SLC35D1: variants seen among roughly 807,000 people sequenced by gnomAD.
SLC35D1 encodes the protein solute carrier family 35 member D1.
In SLC35D1, 31 loss-of-function variants were observed where a neutral mutation model predicts 46.7. The observed-to-expected ratio is 0.66, with a 90% CI of 0.50 to 0.90. The LOEUF is 0.90. SLC35D1 is among the 40% of genes least tolerant of loss of function. The pLI is 0.00. For synonymous variants in SLC35D1, 195 were observed against 164.6 expected (o/e 1.18, Z -1.41); for missense variants, 397 against 426.2 (o/e 0.93, Z 0.60).
intron 11 of SLC35D1, among the ~76,000 whole-genome samples, chr1:67,008,726 G>A (rs1292367174): frequency 6.6e-6 from 1 of 152,004 alleles, no homozygotes; most frequent in South Asian, 2.1e-4. Flanking sequence ...TAGCAACCCT[G>A]TGGCCAGGGA....
chr1:67,053,168 C>A (rs969589357), intron 1 of SLC35D1, among the ~76,000 whole-genome samples, 179 bp from the exon 2 acceptor site: 29 of 152,314 alleles, frequency 1.9e-4, no homozygotes, highest in Middle Eastern at 3.4e-3. Context: ...TCAGTCCACC[C>A]CGCTGATGTA....
chr1:67,048,845 A>T (rs924897803), intron 6 of SLC35D1, among the ~76,000 whole-genome samples: 1 of 152,250 alleles, frequency 6.6e-6, no homozygotes, highest in Admixed American at 6.5e-5. Flanking sequence ...ATAACCTAAT[A>T]GAATATCTAA....
At chr1:67,049,934 T>C in intron 5 of SLC35D1, 84 bp from the exon 6 acceptor site, 1 of 939,384 alleles carries the variant, frequency 1.1e-6, no homozygotes, top group African/African-American at 1.6e-5. Flanking sequence ...GGGATATGCT[T>C]TCTCAAAAGC....
At chr1:67,053,110 C>T (rs773165225) in intron 1 of SLC35D1, 121 bp from the exon 2 acceptor site, 29 of 1,183,564 alleles carry the variant, frequency 2.5e-5, no homozygotes, top group Non-Finnish European at 3.2e-5. Flanking sequence ...AACGTCCGCC[C>T]CTAAATCAAA....
chr1:67,007,352 A>C (rs1369139993), intron 11 of SLC35D1, among the ~76,000 whole-genome samples: 4 of 152,122 alleles, frequency 2.6e-5, no homozygotes, highest in Non-Finnish European at 5.9e-5. Flanking sequence ...AAGGGCACTA[A>C]TCTCATTCAT....
rs1667394840 is a variant in SLC35D1 at position 67,004,006 on chromosome 1, C to T, written c.*334G>A. 1 of 291,460 alleles carries T rather than the reference C, an allele frequency of 3.4e-6. No individual in the cohort carries two copies. Among genetic ancestry groups the T allele is most frequent in the Non-Finnish European group, 6.7e-6 (1 of 149,920 alleles). The allele number at this position is 291,460 out of a possible 1,614,324, so 18.1% of individuals were successfully genotyped here. On this transcript the variant is annotated 3_prime_UTR_variant, in exon 12 of 12. Transcript: ENST00000235345. ...CAGTTGGCAAACATTACATATGCAGCTCTCAGGGACACCTGGATATCAAAT... is the reference window on the plus strand; with the variant it reads ...CAGTTGGCAAACATTACATATGCAGTTCTCAGGGACACCTGGATATCAAAT...
At chr1:67,026,835 G>A (rs536581912) in intron 8 of SLC35D1, among the ~76,000 whole-genome samples, 145 of 152,264 alleles carry the variant, frequency 9.5e-4, no homozygotes, top group African/African-American at 3.4e-3. Context: ...AATCATGGCA[G>A]AAGGCACCTC....
intron 1 of SLC35D1, among the ~76,000 whole-genome samples, chr1:67,053,481 TA>T (rs1348340633): frequency 2.0e-5 from 3 of 152,126 alleles, no homozygotes; most frequent in African/African-American, 7.2e-5. Context: ...TCGACAGGCA[TA>T]ACGGCTCAAA....
rs1300761844 is a variant in SLC35D1 at position 67,002,772 on chromosome 1, G to A, written c.*1568C>T. 2.0e-5 allele frequency: 3 copies of A among 152,334 alleles called. No homozygotes were observed. Among genetic ancestry groups the A allele is most frequent in the Admixed American group, 6.5e-5 (1 of 15,274 alleles). 9.4% of individuals were successfully genotyped at this position (152,334 alleles called of 1,614,324 possible). ...ACTGTTTAGGTCAACAGAGTCCAGT[G>A]GATTCCAAACCCAATGAAATAGACA... On this transcript the variant is annotated 3_prime_UTR_variant, in exon 12 of 12. Transcript: ENST00000235345.
chr1:67,051,466 G>A (rs545994581), intron 4 of SLC35D1, among the ~76,000 whole-genome samples: 2 of 152,352 alleles, frequency 1.3e-5, no homozygotes, highest in South Asian at 4.1e-4. Flanking sequence ...TTACCATGGA[G>A]AGGAGAGCTA....
intron 7 of SLC35D1, among the ~76,000 whole-genome samples, chr1:67,046,397 G>A (rs988336535): frequency 1.3e-5 from 2 of 152,090 alleles, no homozygotes; most frequent in Admixed American, 1.3e-4. Context: ...TAAAAACTAA[G>A]CAGTTAAAGT....
chr1:66,984,509 A>T, the SLC35D1 span: 7 of 1,172,182 alleles, frequency 6.0e-6, no homozygotes, highest in Middle Eastern at 2.1e-4. Flanking sequence ...AAGCTGTTTT[A>T]TAATAGTTTG....
the SLC35D1 span, among the ~76,000 whole-genome samples, chr1:66,992,689 G>T: frequency 0.11 from 17,453 of 152,254 alleles, 2,426 homozygotes; most frequent in African/African-American, 0.34. Context: ...AGAAAAGTAG[G>T]ATACTATTAG....
intron 7 of SLC35D1, among the ~76,000 whole-genome samples, chr1:67,046,335 C>T (rs1163576538): frequency 2.0e-5 from 3 of 151,972 alleles, no homozygotes; most frequent in Non-Finnish European, 4.4e-5. Context: ...TCTAAGCTCC[C>T]AAAAAGGAAC....
chr1:67,039,119 T>C (rs951117395), intron 8 of SLC35D1, among the ~76,000 whole-genome samples: 2 of 152,184 alleles, frequency 1.3e-5, no homozygotes, highest in Non-Finnish European at 2.9e-5. Context: ...GTTTTCCCTC[T>C]TCTGCCTACT....
chr1:67,033,174 T>C (rs1558160356), intron 8 of SLC35D1, among the ~76,000 whole-genome samples: 1 of 152,214 alleles, frequency 6.6e-6, no homozygotes, highest in Non-Finnish European at 1.5e-5. Context: ...CTTCCAAATC[T>C]TGGTGAATAG....
intron 8 of SLC35D1, among the ~76,000 whole-genome samples, chr1:67,032,962 T>A (rs12072926): frequency 0.068 from 10,389 of 152,218 alleles, 1,148 homozygotes; most frequent in African/African-American, 0.24. Flanking sequence ...ATTGTTTTAA[T>A]GTTTAGTTCC....
the SLC35D1 span, among the ~76,000 whole-genome samples, chr1:66,990,840 C>CTAT: frequency 5.9e-3 from 894 of 152,272 alleles, 7 homozygotes; most frequent in African/African-American, 0.02. Context: ...TTTTGCATGA[C>CTAT]TATTTCCCCC....
intron 6 of SLC35D1, among the ~76,000 whole-genome samples, chr1:67,047,719 A>G (rs185528593): frequency 4.6e-5 from 7 of 152,334 alleles, no homozygotes; most frequent in African/African-American, 7.2e-5. Context: ...AATTTCATAG[A>G]CAAGAAAACC....
Sources: gnomAD v4.1 joint callset for allele counts (sites outside exome capture counted in the v4.1 genomes callset) on GRCh38, gnomAD v4.1.1 for gene constraint, MANE v1.5 for transcripts, NCBI Gene and HGNC (gene_info 2026-07-23, HGNC 2026-07-21) for gene names.